The following WDR45B variants were observed in gnomAD, a reference collection of about 807,000 sequenced individuals.
The protein encoded by WDR45B is WD repeat domain 45B, also known as WD repeat domain phosphoinositide-interacting protein 3.
WDR45B carries 20 observed loss-of-function variants against 44.6 expected under a neutral mutation model. That is an observed-to-expected ratio of 0.45 (90% confidence interval 0.32 to 0.65). WDR45B has a LOEUF of 0.65. WDR45B is among the 30% of genes least tolerant of loss of function. The pLI is 0.05. For synonymous variants in WDR45B, 169 were observed against 164.9 expected (o/e 1.02, Z -0.19); for missense variants, 323 against 430.2 (o/e 0.75, Z 2.20).
chr17:82,619,406 C>T (rs992474033), intron 6 of WDR45B, among the ~76,000 whole-genome samples: 18 of 152,090 alleles, frequency 1.2e-4, no homozygotes, highest in African/African-American at 4.3e-4. Context: ...ACCCTGGATG[C>T]CCGCATCCCT....
intron 5 of WDR45B, among the ~76,000 whole-genome samples, chr17:82,624,671 T>C (rs1490600191): frequency 4.7e-5 from 7 of 148,890 alleles, no homozygotes; most frequent in Non-Finnish European, 1.0e-4. Flanking sequence ...CAGGCTGGAG[T>C]GCAATGGTGT....
chr17:82,622,717 C>CA (rs892067477), intron 5 of WDR45B, among the ~76,000 whole-genome samples: 6 of 151,282 alleles, frequency 4.0e-5, no homozygotes, highest in South Asian at 4.2e-4. Context: ...CAGGCATGAC[C>CA]AAAAATTTTT....
In WDR45B at chr17:82,628,503, C is replaced by T. The variant is rs147789734; in HGVS notation, c.245-1212G>A. On this transcript the variant is annotated intron_variant, in intron 3 of 9. Coordinates refer to ENST00000392325, the MANE Select transcript of WDR45B (RefSeq NM_019613.4). ...CCTGTAATCCCAGCACTTTGGGAGG[C>T]TGGGGTGTGAGATCGCTTGAGGCCA... 2.3e-3 allele frequency among the ~76,000 whole-genome samples: 356 copies of T among 152,148 alleles called. 1 individual carries two copies. Among genetic ancestry groups the T allele is most frequent in the African/African-American group, 8.0e-3 (334 of 41,506 alleles).
At chr17:82,623,916 C>T (rs1439703834) in intron 5 of WDR45B, among the ~76,000 whole-genome samples, 1 of 152,060 alleles carries the variant, frequency 6.6e-6, no homozygotes, top group Non-Finnish European at 1.5e-5. Context: ...GGAACGGCTA[C>T]AGCTAGAAAG....
intron 2 of WDR45B, among the ~76,000 whole-genome samples, chr17:82,638,228 A>G (rs1598276223): frequency 3.7e-4 from 2 of 5,478 alleles, no homozygotes; most frequent in Non-Finnish European, 5.5e-4. Flanking sequence ...AGGGGAGGGG[A>G]GAGGAGGGGA....
chr17:82,632,820 G>A (rs1411420371), intron 2 of WDR45B, among the ~76,000 whole-genome samples: 2 of 152,122 alleles, frequency 1.3e-5, no homozygotes, highest in Non-Finnish European at 2.9e-5. Context: ...TTGAGCCCAA[G>A]AGTTCAAGGC....
intron 5 of WDR45B, 49 bp from the exon 6 acceptor site, chr17:82,621,848 C>T (rs780147389): frequency 2.5e-6 from 4 of 1,601,268 alleles, no homozygotes; most frequent in South Asian, 1.1e-5. Flanking sequence ...TGATTTCTCA[C>T]AGCCAAAGTC....
At chr17:82,634,250 G>A (rs1412115175) in intron 2 of WDR45B, among the ~76,000 whole-genome samples, 1 of 150,896 alleles carries the variant, frequency 6.6e-6, no homozygotes, top group Non-Finnish European at 1.5e-5. Context: ...AACACCTTGG[G>A]AGGCCGAGGC....
rs1568007325 is a variant in WDR45B, at chr17:82,627,215, C to A, written c.321G>T (p.Leu107=). 1 of 1,613,494 alleles carries A rather than the reference C, an allele frequency of 6.2e-7. No individual in the cohort carries two copies. Among genetic ancestry groups the A allele is most frequent in the Non-Finnish European group, 8.5e-7 (1 of 1,179,858 alleles). Residue 107 remains leucine (L), a synonymous_variant, in exon 4 of 10, where the codon CTG becomes CTT. Coordinates refer to ENST00000392325, the MANE Select transcript of WDR45B (RefSeq NM_019613.4). ...GACACCAAACCCACCTATCTCGCCG[C>A]AGCTTGACTGCCTTGACTTCTGTAG... ...EFSTEVKAVK[L]RRDRIVVVLD...
At chr17:82,630,851 CAT>C (rs1384912970) in intron 3 of WDR45B, 68 bp downstream of exon 3, 36 of 1,419,246 alleles carry the variant, frequency 2.5e-5, no homozygotes, top group Non-Finnish European at 3.6e-5. Flanking sequence ...TGGCCACAAA[CAT>C]AAACGCATTC....
At chr17:82,630,588 A>G (rs2045754404) in intron 3 of WDR45B, among the ~76,000 whole-genome samples, 1 of 152,142 alleles carries the variant, frequency 6.6e-6, no homozygotes, top group Non-Finnish European at 1.5e-5. Flanking sequence ...CTTTAAGTCA[A>G]TGGCTCTCTG....
intron 4 of WDR45B, among the ~76,000 whole-genome samples, chr17:82,626,329 G>A (rs1442952006): frequency 4.6e-5 from 7 of 150,844 alleles, no homozygotes; most frequent in Admixed American, 4.6e-4. Flanking sequence ...TGAGGTCAAG[G>A]GATCAAGACC....
At chr17:82,629,559 C>T (rs2045741743) in intron 3 of WDR45B, 1 of 985,390 alleles carries the variant, frequency 1.0e-6, no homozygotes, top group Admixed American at 6.1e-5. Flanking sequence ...CGCTCAAAGG[C>T]CAAGATCTCA....
At chr17:82,629,863 G>T in intron 3 of WDR45B, 1 of 985,246 alleles carries the variant, frequency 1.0e-6, no homozygotes, top group Non-Finnish European at 1.2e-6. Context: ...CCAGATCCTA[G>T]TTCACCCACT....
In WDR45B at chr17:82,621,615, G is replaced by C. The variant is rs778736497; in HGVS notation, c.612C>G (p.Ser204=). 6.2e-7 allele frequency: 1 copy of C among 1,614,050 alleles called. No homozygotes were observed. Among genetic ancestry groups the C allele is most frequent in the Non-Finnish European group, 8.5e-7 (1 of 1,180,052 alleles). The change falls in exon 6 of 10, where the codon TCC becomes TCG. Residue 204 remains serine (S), a synonymous_variant. Transcript: ENST00000392325. ...NLQGTRIATA[S]EKGTLIRIFD... The stretch of plus-strand genomic sequence containing the variant: ...AGGTGAGTGGCACACTTACTTTCTC[G>C]GATGCAGTTGCAATTCTTGTTCCCT...
chr17:82,621,076 C>T (rs113498146), intron 6 of WDR45B, among the ~76,000 whole-genome samples: 91 of 140,988 alleles, frequency 6.5e-4, no homozygotes, highest in Admixed American at 1.7e-3. Context: ...TTTTTTGAGA[C>T]GGAGTCTCAC....
Position 82,615,513 on chromosome 17 carries a change from T to G in WDR45B, c.*406A>C. On this transcript the variant is annotated 3_prime_UTR_variant, in exon 10 of 10. Transcript: ENST00000392325. ...AACTTACATCTGCACACTTGTTCAC[T>G]CCCCCGCTGCAGACTCAGTAAGAAC... 1 of 289,822 alleles carries G rather than the reference T, an allele frequency of 3.5e-6. No individual in the cohort carries two copies. Among genetic ancestry groups the G allele is most frequent in the South Asian group, 3.6e-5 (1 of 27,540 alleles). The allele number at this position is 289,822 out of a possible 1,614,324, so 18.0% of individuals were successfully genotyped here.
intron 9 of WDR45B, 30 bp from the exon 10 acceptor site, chr17:82,616,055 G>GT: frequency 6.3e-7 from 1 of 1,595,172 alleles, no homozygotes; most frequent in Non-Finnish European, 8.6e-7. Flanking sequence ...TTTTACCTGT[G>GT]TGTTTCTTTC....
At chr17:82,620,549 T>C (rs1216392198) in intron 6 of WDR45B, among the ~76,000 whole-genome samples, 1 of 151,996 alleles carries the variant, frequency 6.6e-6, no homozygotes, top group Non-Finnish European at 1.5e-5. Flanking sequence ...TGCTGAGGAG[T>C]GACCCTGGCA....
Sources: gnomAD v4.1 joint callset for allele counts (sites outside exome capture counted in the v4.1 genomes callset) on GRCh38, gnomAD v4.1.1 for gene constraint, MANE v1.5 for transcripts, NCBI Gene and HGNC (gene_info 2026-07-23, HGNC 2026-07-21) for gene names.